The following TRRAP variants were observed in gnomAD, a reference collection of about 807,000 sequenced individuals.
TRRAP encodes the protein transformation/transcription domain-associated protein.
TRRAP carries 41 observed loss-of-function variants against 438.8 expected under a neutral mutation model. The ratio of observed to expected loss-of-function variants is 0.09; its 90% confidence interval spans 0.07 to 0.12. The LOEUF (loss-of-function observed/expected upper bound fraction) is 0.12. TRRAP is among the 10% of genes least tolerant of loss of function. The probability of loss-of-function intolerance (pLI) is 1.00; values close to 1 mark genes in which losing one functional copy is unlikely to be tolerated. For missense variants in TRRAP, 3,122 were observed against 5,055.1 expected (o/e 0.62, Z 11.60); for synonymous variants, 1,994 against 1,962.9 (o/e 1.02, Z -0.42).
chr7:98,963,247 G>A (rs560692887), intron 47 of TRRAP, among the ~76,000 whole-genome samples: 1 of 152,204 alleles, frequency 6.6e-6, no homozygotes, highest in African/African-American at 2.4e-5. Context: ...GGAGCTAGGA[G>A]AATTTGGTTA....
At chr7:98,946,954 TGGAGCTGGCCTTGA>T (rs1289467511) in intron 33 of TRRAP, among the ~76,000 whole-genome samples, 1 of 152,248 alleles carries the variant, frequency 6.6e-6, no homozygotes, top group Non-Finnish European at 1.5e-5. Flanking sequence ...GTAGGGGGCA[TGGAGCTGGCCTTGA>T]GCCCATTTTC....
rs1554417371 is a variant in TRRAP at position 98,948,388 on chromosome 7, C to T, written c.4668+48C>T. On this transcript the variant is annotated intron_variant, in intron 34 of 72. Transcript: ENST00000456197. The surrounding 1 kb of genome is among the most constrained non-coding windows in gnomAD (Gnocchi z 4.9). ...CTTCTCGCTCTGCCACCCTCCGGTG[C>T]TTATAGCGTCCTCACTTGATCGTAT... 1 of 1,613,172 alleles carries T rather than the reference C, an allele frequency of 6.2e-7. No individual in the cohort carries two copies. Among genetic ancestry groups the T allele is most frequent in the Admixed American group, 1.7e-5 (1 of 60,010 alleles).
At chr7:98,964,812 C>A in intron 48 of TRRAP, 37 bp downstream of exon 48, 1 of 1,593,428 alleles carries the variant, frequency 6.3e-7, no homozygotes, top group Admixed American at 1.7e-5. Context: ...TCCTCAGACT[C>A]TGTTGAACAG....
Position 98,931,570 on chromosome 7 carries a change from A to G in TRRAP, c.3757A>G (p.Asn1253Asp). ...CTTGGTTCGAGAAGTCACCTCTCCA[A>G]ACTCCACTGTGAGGAAGCAGGCCAT... ...HDLVREVTSP[N>D]STVRKQAMHS... is the part of the protein sequence containing the mutation. The change falls in exon 26 of 73, where the codon AAC becomes GAC. Residue 1253 changes from asparagine (N) to aspartate (D), a missense_variant. This residue lies in a region of TRRAP where 153 missense variants were observed against 223.0 expected (regional missense o/e 0.69). Coordinates refer to ENST00000456197, the MANE Select transcript of TRRAP (RefSeq NM_001375524.1). 2.5e-6 allele frequency: 4 copies of G among 1,614,204 alleles called. No individual in the cohort carries two copies. The highest frequency in any genetic ancestry group is 3.4e-6 in the Non-Finnish European group (4 of 1,180,028).
At chr7:98,917,367 T>G (rs757364649) in intron 19 of TRRAP, 56 bp from the exon 20 acceptor site, 1 of 1,583,878 alleles carries the variant, frequency 6.3e-7, no homozygotes, top group Non-Finnish European at 8.6e-7. Flanking sequence ...GTGTTTCACC[T>G]GGGCCCGAGT....
chr7:98,896,213 AG>A (rs1796195931), intron 7 of TRRAP, among the ~76,000 whole-genome samples: 1 of 151,684 alleles, frequency 6.6e-6, no homozygotes, highest in African/African-American at 2.4e-5. Flanking sequence ...GTATATTTTC[AG>A]TTTTTTTTTA....
Position 98,956,357 on chromosome 7 carries a change from T to G in TRRAP, c.6097-42T>G. The G allele has an allele frequency of 6.2e-7, 1 of 1,613,288 alleles. No homozygotes were observed. The highest frequency in any genetic ancestry group is 8.5e-7 in the Non-Finnish European group (1 of 1,179,496). ...CGATCGTCTTCCTTTGACTTCTCCC[T>G]AGAAATCAGTCAGTAAAACCAAGCG... On this transcript the variant is annotated intron_variant, in intron 42 of 72. Coordinates refer to ENST00000456197, the MANE Select transcript of TRRAP (RefSeq NM_001375524.1). This position sits in a 1 kb window ranked among gnomAD's most constrained non-coding sequence, Gnocchi z 4.5.
Position 98,903,522 on chromosome 7 carries a change from G to A in TRRAP, c.1036+5G>A. ...TCACCACAGAGCTGAGAAACCGTAC[G>A]TCCAGCCTGTCTTGTCTTGAATGCT... On this transcript the variant is annotated splice_donor_5th_base_variant and intron_variant, in intron 12 of 72. Transcript: ENST00000456197. 1 of 1,613,954 alleles carries A rather than the reference G, an allele frequency of 6.2e-7. No homozygotes were observed. Among genetic ancestry groups the A allele is most frequent in the African/African-American group, 1.3e-5 (1 of 75,038 alleles).
chr7:98,961,580 T>C (rs761130595), intron 46 of TRRAP, 106 bp downstream of exon 46: 39 of 1,340,550 alleles, frequency 2.9e-5, no homozygotes, highest in Middle Eastern at 2.6e-4. Flanking sequence ...CGCTTTGTTA[T>C]CACTTTCCTT....
At chr7:99,008,120 G>A (rs910633856) in intron 69 of TRRAP, among the ~76,000 whole-genome samples, 2 of 152,196 alleles carry the variant, frequency 1.3e-5, no homozygotes, top group East Asian at 1.9e-4. Flanking sequence ...CACTGTGTCC[G>A]GCCAAGATGT....
At chr7:98,939,410 A>C (rs1790696161) in intron 30 of TRRAP, among the ~76,000 whole-genome samples, 1 of 152,246 alleles carries the variant, frequency 6.6e-6, no homozygotes, top group Admixed American at 6.5e-5. Context: ...TCATATATGA[A>C]AGACACGTAG....
At chr7:98,927,488 CT>C in intron 23 of TRRAP, 122 bp downstream of exon 23, 4 of 1,271,972 alleles carry the variant, frequency 3.1e-6, no homozygotes, top group Non-Finnish European at 4.2e-6. Flanking sequence ...TGATTTTCGG[CT>C]TTTATTTTCC....
Position 98,925,389 on chromosome 7 carries a change from T to C in TRRAP, c.2975+126T>C, listed in dbSNP as rs1016369565. 14 of 1,322,648 alleles carry C rather than the reference T, an allele frequency of 1.1e-5. No homozygotes were observed. The African/African-American group carries it at 2.1e-4, about 20-fold the overall frequency. The allele number at this position is 1,322,648 out of a possible 1,614,324, so 81.9% of individuals were successfully genotyped here. On this transcript the variant is annotated intron_variant, in intron 22 of 72. Coordinates refer to ENST00000456197, the MANE Select transcript of TRRAP (RefSeq NM_001375524.1). ...TTGAAGTCCAGCAGATGCCATATTA[T>C]CTACCTACTCCTTCTTGTTGGGGCC...
At chr7:98,919,780 C>A (rs1436050509) in intron 20 of TRRAP, among the ~76,000 whole-genome samples, 5 of 152,154 alleles carry the variant, frequency 3.3e-5, no homozygotes, top group South Asian at 2.1e-4. Flanking sequence ...GGTTCTTAGG[C>A]CTTCTTACCA....
intron 51 of TRRAP, among the ~76,000 whole-genome samples, chr7:98,968,848 A>G (rs574651312): frequency 1.3e-5 from 2 of 152,348 alleles, no homozygotes; most frequent in East Asian, 1.9e-4. Flanking sequence ...ACCTGGGCAG[A>G]GTTCCCTGCT....
intron 56 of TRRAP, 133 bp downstream of exon 56, chr7:98,977,209 T>TGGA: frequency 4.1e-6 from 5 of 1,229,838 alleles, no homozygotes; most frequent in South Asian, 1.4e-5. Context: ...TCGCCCAGCC[T>TGGA]GGAGTGCAGT....
rs150724016 is a variant in TRRAP at position 98,890,692 on chromosome 7, A to T, written c.261+247A>T. ...GACATGTGTGTACACTGTTTACTAT[A>T]GACCAGTGCAAATGTATACAGAAGA... On this transcript the variant is annotated intron_variant, in intron 4 of 72. Coordinates refer to ENST00000456197, the MANE Select transcript of TRRAP (RefSeq NM_001375524.1). Among the ~76,000 whole-genome samples, 404 of 152,000 alleles carry T rather than the reference A, an allele frequency of 2.7e-3. 2 individuals are homozygous for T. Among genetic ancestry groups the T allele is most frequent in the African/African-American group, 9.2e-3 (381 of 41,422 alleles).
intron 7 of TRRAP, among the ~76,000 whole-genome samples, chr7:98,896,492 C>T (rs1554405760): frequency 6.6e-6 from 1 of 152,090 alleles, no homozygotes; most frequent in East Asian, 1.9e-4. Context: ...TCACCGCAGC[C>T]TCCACCTTCT....
chr7:98,928,752 C>A (rs896061906), intron 23 of TRRAP, among the ~76,000 whole-genome samples: 2 of 151,604 alleles, frequency 1.3e-5, no homozygotes, highest in African/African-American at 4.8e-5. Context: ...TTGTGGTTTT[C>A]TTTATTTTTT....
Sources: allele counts gnomAD v4.1 joint callset (sites outside exome capture counted in the v4.1 genomes callset), GRCh38; gene constraint gnomAD v4.1.1; regional missense constraint gnomAD v4.1.1; non-coding constraint Gnocchi (gnomAD v3.1); transcripts MANE v1.5; gene names NCBI Gene and HGNC (gene_info 2026-07-23, HGNC 2026-07-21).